Variants in MTA3 observed in about 807,000 individuals in gnomAD.
MTA3 encodes metastasis associated 1 family member 3.
A neutral mutation model predicts 83.5 loss-of-function variants in MTA3; 34 were observed. That is an observed-to-expected ratio of 0.41 (90% confidence interval 0.31 to 0.54). The LOEUF is 0.54. Ranked by LOEUF, MTA3 falls within the 20% of genes least tolerant of loss-of-function variation. The probability of loss-of-function intolerance (pLI) is 0.33; values close to 1 mark genes in which losing one functional copy is unlikely to be tolerated. For synonymous variants in MTA3, 303 were observed against 252.7 expected (o/e 1.20, Z -1.89); for missense variants, 761 against 726.4 (o/e 1.05, Z -0.55).
intron 2 of MTA3, among the ~76,000 whole-genome samples, chr2:42,562,599 T>A (rs750851299): frequency 2.0e-5 from 3 of 152,184 alleles, no homozygotes; most frequent in Non-Finnish European, 4.4e-5. Context: ...CTGCCCACAC[T>A]CTGCCTATTT....
chr2:42,721,755 T>G (rs1293010970), intron 15 of MTA3, among the ~76,000 whole-genome samples: 1 of 152,158 alleles, frequency 6.6e-6, no homozygotes, highest in Non-Finnish European at 1.5e-5. Flanking sequence ...TTCTCTTCCC[T>G]CATAAGGCCA....
chr2:42,603,939 C>T (rs574468871), intron 3 of MTA3, among the ~76,000 whole-genome samples: 5 of 152,204 alleles, frequency 3.3e-5, no homozygotes, highest in Admixed American at 1.3e-4. Context: ...TTAGTAGATA[C>T]GGAGCTTCAT....
intron 2 of MTA3, among the ~76,000 whole-genome samples, chr2:42,515,370 T>C (rs1357711787): frequency 6.6e-6 from 1 of 152,092 alleles, no homozygotes; most frequent in Non-Finnish European, 1.5e-5. Context: ...ATTTTATTTT[T>C]TGAGATGGCA....
intron 16 of MTA3, among the ~76,000 whole-genome samples, chr2:42,743,229 G>C (rs1669165621): frequency 6.6e-6 from 1 of 152,226 alleles, no homozygotes. Context: ...ACAACTACTT[G>C]AGCTTTGTTC....
chr2:42,595,936 T>A (rs1382922590), intron 3 of MTA3, among the ~76,000 whole-genome samples: 1 of 152,190 alleles, frequency 6.6e-6, no homozygotes, highest in Non-Finnish European at 1.5e-5. Context: ...CCATCTAAGT[T>A]TCTGAAAGCA....
At chr2:42,647,744 A>G (rs942728501) in intron 6 of MTA3, among the ~76,000 whole-genome samples, 30 of 152,214 alleles carry the variant, frequency 2.0e-4, no homozygotes, top group African/African-American at 7.2e-4. Context: ...TGTAGAAGCC[A>G]TTTTGAACTC....
At chr2:42,507,181 G>A (rs530889405) in intron 2 of MTA3, among the ~76,000 whole-genome samples, 16 of 152,144 alleles carry the variant, frequency 1.1e-4, no homozygotes, top group South Asian at 4.1e-4. Context: ...GATTGCAGGC[G>A]TGAGCCACTG....
intron 8 of MTA3, among the ~76,000 whole-genome samples, chr2:42,669,515 G>A (rs1248504049): frequency 6.6e-6 from 1 of 152,186 alleles, no homozygotes; most frequent in African/African-American, 2.4e-5. Context: ...CACGGGTACT[G>A]TTCATGTTTC....
chr2:42,578,980 C>G (rs1679330963), intron 2 of MTA3, 127 bp from the exon 3 acceptor site: 1 of 578,882 alleles, frequency 1.7e-6, no homozygotes, highest in Non-Finnish European at 3.0e-6. Context: ...TGTGGTTATC[C>G]TGCAGTTGTG....
At chr2:42,688,345 A>G (rs897868071) in intron 9 of MTA3, among the ~76,000 whole-genome samples, 1 of 152,102 alleles carries the variant, frequency 6.6e-6, no homozygotes, top group African/African-American at 2.4e-5. Context: ...TGACCTCCCA[A>G]GTTGCTGGGA....
Position 42,505,770 on chromosome 2 carries a change from A to ATTTTT in MTA3, c.-141+10528_-141+10532dup, listed in dbSNP as rs370638507. ...AAACGAGATGGGCCACAAATTGATA[A>ATTTTT]TTTTTTTTTTTTTTTTGAGATGGAG... is the stretch of plus-strand genomic sequence containing the variant. On this transcript the variant is annotated intron_variant, in intron 2 of 17. Coordinates refer to the MTA3 transcript ENST00000405592. Among the ~76,000 whole-genome samples the ATTTTT allele has an allele frequency of 3.6e-5, 5 of 139,118 alleles. 1 individual carries two copies. Among genetic ancestry groups the ATTTTT allele is most frequent in the Non-Finnish European group, 7.7e-5 (5 of 65,108 alleles). 91.3% of individuals were successfully genotyped at this position (139,118 alleles called of 152,430 possible).
intron 16 of MTA3, among the ~76,000 whole-genome samples, chr2:42,731,294 G>A (rs927236481): frequency 2.6e-5 from 4 of 152,000 alleles, no homozygotes; most frequent in Non-Finnish European, 5.9e-5. Context: ...CACTGATTAG[G>A]TTATATGAAG....
At chr2:42,620,032 A>C (rs539561118) in intron 4 of MTA3, among the ~76,000 whole-genome samples, 1 of 152,082 alleles carries the variant, frequency 6.6e-6, no homozygotes, top group Non-Finnish European at 1.5e-5. Context: ...ATAACATCAG[A>C]TTAACCATTA....
chr2:42,561,166 C>T (rs1011606842), intron 2 of MTA3, among the ~76,000 whole-genome samples: 1 of 152,142 alleles, frequency 6.6e-6, no homozygotes, highest in African/African-American at 2.4e-5. Context: ...CCAGATGTCC[C>T]AAGTGTTCAC....
intron 11 of MTA3, among the ~76,000 whole-genome samples, chr2:42,701,654 G>T (rs190354198): frequency 6.6e-6 from 1 of 152,156 alleles, no homozygotes; most frequent in Non-Finnish European, 1.5e-5. Context: ...AGTGACTTAC[G>T]CCTGTAATCC....
rs145954039 is a variant in MTA3 at position 42,556,422 on chromosome 2, C to A, written c.-140-14015C>A. Among the ~76,000 whole-genome samples, 153 of 152,320 alleles carry A rather than the reference C, an allele frequency of 1.0e-3. 3 individuals carry two copies. Among genetic ancestry groups the A allele is most frequent in the African/African-American group, 3.5e-3 (146 of 41,586 alleles). ...CCTTACTGAAGAAAAATGGGTTTTG[C>A]CTCAATTCCTCAGTCCTGTTTAAAT... is the stretch of plus-strand genomic sequence containing the variant. On this transcript the variant is annotated intron_variant, in intron 2 of 17. Coordinates refer to the MTA3 transcript ENST00000405592.
intron 4 of MTA3, among the ~76,000 whole-genome samples, chr2:42,617,209 T>C (rs985072649): frequency 7.2e-5 from 11 of 152,210 alleles, no homozygotes; most frequent in African/African-American, 2.4e-4. Context: ...ATACTCTTCT[T>C]GTCAGAGTAT....
chr2:42,626,198 C>G (rs1012615142), intron 4 of MTA3, among the ~76,000 whole-genome samples: 1 of 150,958 alleles, frequency 6.6e-6, no homozygotes, highest in Non-Finnish European at 1.5e-5. Context: ...CCGCCTCGGC[C>G]TCCCAAAGTG....
At chr2:42,714,996 GAC>G (rs1275059101) in intron 14 of MTA3, among the ~76,000 whole-genome samples, 1 of 152,220 alleles carries the variant, frequency 6.6e-6, no homozygotes, top group Non-Finnish European at 1.5e-5. Flanking sequence ...GGAAACTAAA[GAC>G]ATGTTCCTTG....
Sources: gnomAD v4.1 joint callset for allele counts (sites outside exome capture counted in the v4.1 genomes callset) on GRCh38, gnomAD v4.1.1 for gene constraint, MANE v1.5 for transcripts, NCBI Gene and HGNC (gene_info 2026-07-23, HGNC 2026-07-21) for gene names.